Variants in GRM3 observed in about 807,000 individuals in gnomAD.
The protein encoded by GRM3 is metabotropic glutamate receptor 3.
GRM3 carries 26 observed loss-of-function variants against 70.5 expected under a neutral mutation model. The ratio of observed to expected loss-of-function variants is 0.37; its 90% CI spans 0.27 to 0.51. The LOEUF is 0.51. Ranked by LOEUF, GRM3 falls within the 20% of genes least tolerant of loss-of-function variation. The probability of loss-of-function intolerance (pLI) is 0.93; values close to 1 mark genes in which losing one functional copy is unlikely to be tolerated. For synonymous variants in GRM3, 443 were observed against 434.9 expected, an observed-to-expected ratio of 1.02 and a Z score of -0.23; for missense variants, 859 against 1,123.8, an observed-to-expected ratio of 0.76 and a Z score of 3.37.
intron 1 of GRM3, among the ~76,000 whole-genome samples, chr7:86,729,491 C>G (rs1389963612): frequency 6.6e-6 from 1 of 152,140 alleles, no homozygotes; most frequent in African/African-American, 2.4e-5. Flanking sequence ...TAATTCCAAA[C>G]ACATTCTTTA....
At chr7:86,740,918 A>G (rs16888204) in intron 1 of GRM3, among the ~76,000 whole-genome samples, 13,752 of 152,194 alleles carry the variant, frequency 0.09, 1,198 homozygotes, top group African/African-American at 0.23. Flanking sequence ...CGTCCGCTGA[A>G]GATGTACAGA....
intron 1 of GRM3, among the ~76,000 whole-genome samples, chr7:86,724,849 G>C (rs749294117): frequency 6.6e-6 from 1 of 151,982 alleles, no homozygotes; most frequent in Non-Finnish European, 1.5e-5. Flanking sequence ...GTCTTCTAAC[G>C]TTGCCTCATT....
At chr7:86,793,075 A>AC (rs1225044219) in intron 3 of GRM3, among the ~76,000 whole-genome samples, 1 of 138,678 alleles carries the variant, frequency 7.2e-6, no homozygotes, top group Non-Finnish European at 1.5e-5. Flanking sequence ...GGGATCAGAG[A>AC]CCTAGAGCCT....
chr7:86,837,350 G>A (rs1030541860), intron 3 of GRM3, among the ~76,000 whole-genome samples: 3 of 152,110 alleles, frequency 2.0e-5, no homozygotes, highest in South Asian at 2.1e-4. Context: ...CCTGGACAGC[G>A]TTTCCCTGTA....
chr7:86,731,995 G>T (rs1454656176), intron 1 of GRM3, among the ~76,000 whole-genome samples: 1 of 152,050 alleles, frequency 6.6e-6, no homozygotes, highest in Non-Finnish European at 1.5e-5. Context: ...TTTTTCTAAG[G>T]TATTGAGGAT....
At chr7:86,851,757 G>T (rs926285017) in intron 5 of GRM3, among the ~76,000 whole-genome samples, 5 of 152,060 alleles carry the variant, frequency 3.3e-5, no homozygotes, top group Non-Finnish European at 7.4e-5. Context: ...AAACTCCAAC[G>T]TGTCACAAAA....
At chr7:86,699,895 C>A (rs1794911258) in intron 1 of GRM3, among the ~76,000 whole-genome samples, 1 of 151,938 alleles carries the variant, frequency 6.6e-6, no homozygotes, top group Non-Finnish European at 1.5e-5. Context: ...AAAAACTTGA[C>A]CTGCATCCAT....
chr7:86,692,191 T>G (rs1794710848), intron 1 of GRM3, among the ~76,000 whole-genome samples: 2 of 152,220 alleles, frequency 1.3e-5, no homozygotes, highest in Admixed American at 6.5e-5. Flanking sequence ...AGCCATACTT[T>G]GGGCTTGTTT....
At chr7:86,864,250 C>CT (rs750551407) in intron 5 of GRM3, 32 bp from the exon 6 acceptor site, 2 of 1,110,650 alleles carry the variant, frequency 1.8e-6, no homozygotes, top group South Asian at 2.5e-5. Flanking sequence ...ACTTGACTAA[C>CT]TTTGAGTTTT....
At chr7:86,840,801 T>C (rs940101438) in intron 4 of GRM3, among the ~76,000 whole-genome samples, 1 of 152,176 alleles carries the variant, frequency 6.6e-6, no homozygotes, top group African/African-American at 2.4e-5. Flanking sequence ...TGCTGCACCA[T>C]GATTTCACAA....
intron 1 of GRM3, among the ~76,000 whole-genome samples, chr7:86,753,279 A>G (rs1796272194): frequency 6.6e-6 from 1 of 152,146 alleles, no homozygotes; most frequent in African/African-American, 2.4e-5. Flanking sequence ...GTTTTGTTTC[A>G]TTTAATCCTA....
In GRM3 at chr7:86,716,435, T is replaced by C. The variant is rs183222432; in HGVS notation, c.-140-48571T>C. Among the ~76,000 whole-genome samples, 19 of 151,998 alleles carry C rather than the reference T, an allele frequency of 1.3e-4. No homozygotes were observed. The East Asian group carries it at 3.3e-3, about 26-fold the overall frequency. On this transcript the variant is annotated intron_variant, in intron 1 of 5. Coordinates refer to ENST00000361669, the MANE Select transcript of GRM3 (RefSeq NM_000840.3). ...TCAGAAAACTAAGGATGAGAAATGGTAAGAAGTTTGTCCAAATCAGGCACC... is the reference window on the plus strand; with the variant it reads ...TCAGAAAACTAAGGATGAGAAATGGCAAGAAGTTTGTCCAAATCAGGCACC...
At chr7:86,744,454 A>G (rs1796058488) in intron 1 of GRM3, among the ~76,000 whole-genome samples, 1 of 151,918 alleles carries the variant, frequency 6.6e-6, no homozygotes, top group South Asian at 2.1e-4. Flanking sequence ...GAGAGCATGA[A>G]GAACTTTCCA....
intron 1 of GRM3, among the ~76,000 whole-genome samples, chr7:86,727,359 C>T (rs1392800094): frequency 2.0e-5 from 3 of 152,152 alleles, no homozygotes; most frequent in Non-Finnish European, 2.9e-5. Context: ...TACTTTTCTC[C>T]TCTGGTTAAC....
chr7:86,862,159 G>A (rs1178764269), intron 5 of GRM3, among the ~76,000 whole-genome samples: 3 of 152,254 alleles, frequency 2.0e-5, no homozygotes, highest in Non-Finnish European at 4.4e-5. Flanking sequence ...GTTCAGCTAT[G>A]GCCACTGATT....
chr7:86,672,053 T>A (rs1794185424), intron 1 of GRM3, among the ~76,000 whole-genome samples: 1 of 152,222 alleles, frequency 6.6e-6, no homozygotes, highest in Admixed American at 6.5e-5. Context: ...TTCCACTGTT[T>A]TATTTTTTTC....
At chr7:86,729,905 A>C (rs2116270759) in intron 1 of GRM3, among the ~76,000 whole-genome samples, 1 of 151,934 alleles carries the variant, frequency 6.6e-6, no homozygotes, top group South Asian at 2.1e-4. Context: ...CAAGAGGTCG[A>C]GACCATCCTG....
Position 86,660,640 on chromosome 7 carries a change from G to GCTTTGATT in GRM3, c.-141+15768_-141+15769insCTTTGATT, listed in dbSNP as rs2307730. On this transcript the variant is annotated intron_variant, in intron 1 of 5. Coordinates refer to ENST00000361669, the MANE Select transcript of GRM3 (RefSeq NM_000840.3). ...TGTGGGTTACATGGATTCATTAGTT[G>GCTTTGATT]ATAAAAAGCACTTAGTAAAAATTAT... Among the ~76,000 whole-genome samples, 240 of 151,852 alleles carry GCTTTGATT rather than the reference G, an allele frequency of 1.6e-3. 6 individuals carry two copies. In the East Asian group the frequency reaches 0.032, roughly 20 times the overall value.
Position 86,787,041 on chromosome 7 carries a change from A to G in GRM3, c.1249A>G (p.Lys417Glu). Residue 417 changes from lysine (K) to glutamate (E), a missense_variant, in exon 3 of 6, where the codon AAG (lysine) becomes GAG (glutamate). Lys to Glu is a moderately conservative substitution (Grantham distance 56). Transcript: ENST00000361669. ...MQRTLCPNTT[K>E]LCDAMKILDG... ...GCGCACCCTCTGTCCCAACACTACC[A>G]AGCTTTGTGATGCTATGAAGATCCT... The G allele has an allele frequency of 1.2e-5, 20 of 1,613,312 alleles. No individual in the cohort carries two copies. The highest frequency in any genetic ancestry group is 1.7e-5 in the Non-Finnish European group (20 of 1,179,530).
Sources: gnomAD v4.1 joint callset for allele counts (sites outside exome capture counted in the v4.1 genomes callset) on GRCh38, gnomAD v4.1.1 for gene constraint, MANE v1.5 for transcripts, NCBI Gene and HGNC (gene_info 2026-07-23, HGNC 2026-07-21) for gene names.